PIP4K2A: variants seen among roughly 807,000 people sequenced by gnomAD.
The protein encoded by PIP4K2A is phosphatidylinositol 5-phosphate 4-kinase type-2 alpha.
PIP4K2A carries 14 observed loss-of-function variants against 42.9 expected under a neutral mutation model. That is an observed-to-expected ratio of 0.33 (90% CI 0.22 to 0.51). PIP4K2A has a LOEUF of 0.51. Ranked by LOEUF, PIP4K2A falls within the 20% of genes least tolerant of loss-of-function variation. PIP4K2A has a pLI of 0.97. For synonymous variants in PIP4K2A, 192 were observed against 192.2 expected (o/e 1.00, Z 0.01); for missense variants, 434 against 519.8 (o/e 0.83, Z 1.61).
intron 1 of PIP4K2A, among the ~76,000 whole-genome samples, chr10:22,701,141 C>A (rs1253576300): frequency 6.6e-6 from 1 of 152,228 alleles, no homozygotes; most frequent in African/African-American, 2.4e-5. Flanking sequence ...TAATCCTCTT[C>A]TGTCTCACAG....
Position 22,535,934 on chromosome 10 carries a change from T to G in PIP4K2A, c.*1267A>C. The G allele has an allele frequency of 2.5e-6, 1 of 393,008 alleles. No individual in the cohort carries two copies. Among genetic ancestry groups the G allele is most frequent in the East Asian group, 3.6e-5 (1 of 27,820 alleles). The allele number at this position is 393,008 out of a possible 1,614,324, so 24.3% of individuals were successfully genotyped here. A position where few individuals can be genotyped will look rare whatever the true frequency, so the allele number is the denominator to read the frequency against. ...TTTTATTGTGAAAGACTGTCTACCA[T>G]GTACTTTGACTAAAACACTCACGTA... On this transcript the variant is annotated 3_prime_UTR_variant, in exon 10 of 10. Coordinates refer to ENST00000376573, the MANE Select transcript of PIP4K2A (RefSeq NM_005028.5).
Position 22,536,966 on chromosome 10 carries a change from C to A in PIP4K2A, c.*235G>T, listed in dbSNP as rs201549385. The A allele has an allele frequency of 1.0e-4, 23 of 227,008 alleles. No individual in the cohort carries two copies. The highest frequency in any genetic ancestry group is 8.9e-4 in the African/African-American group (7 of 7,862). 14.1% of individuals were successfully genotyped at this position (227,008 alleles called of 1,614,324 possible). On this transcript the variant is annotated 3_prime_UTR_variant, in exon 10 of 10. Transcript: ENST00000376573. The stretch of plus-strand genomic sequence containing the variant: ...ACGCGCGCACACACTCACCCCCCCC[C>A]AACACACACACACACACATATACAC...
At chr10:22,615,627 T>G (rs1838161214) in intron 1 of PIP4K2A, among the ~76,000 whole-genome samples, 1 of 152,238 alleles carries the variant, frequency 6.6e-6, no homozygotes, top group Non-Finnish European at 1.5e-5. Flanking sequence ...TTGAGTTTAT[T>G]AAAATTTTCT....
intron 1 of PIP4K2A, chr10:22,693,900 T>C (rs569437448): frequency 2.0e-5 from 3 of 152,262 alleles, no homozygotes; most frequent in East Asian, 1.9e-4. Flanking sequence ...GAGAGCATGA[T>C]AAAAGAGGTG....
intron 1 of PIP4K2A, among the ~76,000 whole-genome samples, chr10:22,664,152 CACATATATATATATACATATATATAT>C (rs1839287903): frequency 4.8e-5 from 1 of 20,842 alleles, no homozygotes; most frequent in East Asian, 1.0e-3. Context: ...CATATATATA[CACATATATATATATACATATATATAT>C]ATACATATAT....
chr10:22,554,567 GCTAA>G (rs1328857880), intron 6 of PIP4K2A, among the ~76,000 whole-genome samples: 2 of 152,218 alleles, frequency 1.3e-5, no homozygotes, highest in Non-Finnish European at 2.9e-5. Context: ...AACCCCCAGG[GCTAA>G]CTAAAGACAG....
intron 1 of PIP4K2A, 27 bp from the exon 2 acceptor site, chr10:22,609,744 G>A (rs1837989188): frequency 7.5e-7 from 1 of 1,333,128 alleles, no homozygotes; most frequent in Non-Finnish European, 1.1e-6. Context: ...TAAATAGCAT[G>A]GGTTATTACT....
intron 1 of PIP4K2A, among the ~76,000 whole-genome samples, chr10:22,711,951 C>T (rs768414227): frequency 1.3e-5 from 2 of 152,076 alleles, no homozygotes; most frequent in African/African-American, 2.4e-5. Context: ...CTTATGTCAA[C>T]TCAGAGCCCT....
intron 6 of PIP4K2A, among the ~76,000 whole-genome samples, chr10:22,559,081 CAG>C (rs1327941887): frequency 6.6e-6 from 1 of 152,152 alleles, no homozygotes; most frequent in East Asian, 1.9e-4. Context: ...CCAGTCGTAA[CAG>C]AAGATTCTGG....
At chr10:22,589,875 A>G (rs1294750022) in intron 4 of PIP4K2A, among the ~76,000 whole-genome samples, 1 of 152,192 alleles carries the variant, frequency 6.6e-6, no homozygotes, top group Non-Finnish European at 1.5e-5. Context: ...ATTGGGAGCT[A>G]TTTAAGTTAA....
At chr10:22,591,082 GTCT>G (rs1837499411) in intron 4 of PIP4K2A, among the ~76,000 whole-genome samples, 2 of 152,206 alleles carry the variant, frequency 1.3e-5, no homozygotes. Flanking sequence ...CCCAAGGATG[GTCT>G]ACTTTACCTC....
At chr10:22,639,372 AAG>A in intron 1 of PIP4K2A, among the ~76,000 whole-genome samples, 1 of 151,830 alleles carries the variant, frequency 6.6e-6, no homozygotes. Context: ...AAAAAAAAAA[AAG>A]AATTAACATT....
chr10:22,666,254 A>T (rs993465167), intron 1 of PIP4K2A, among the ~76,000 whole-genome samples: 1 of 152,218 alleles, frequency 6.6e-6, no homozygotes, highest in East Asian at 1.9e-4. Context: ...TTCAAAATAA[A>T]TATCTGAGAA....
intron 4 of PIP4K2A, among the ~76,000 whole-genome samples, chr10:22,582,972 T>C (rs562026116): frequency 6.6e-6 from 1 of 151,926 alleles, no homozygotes; most frequent in African/African-American, 2.4e-5. Context: ...GAAACTTTAC[T>C]GCTTTTCTTA....
At chr10:22,578,572 T>C (rs929773510) in intron 4 of PIP4K2A, among the ~76,000 whole-genome samples, 3 of 152,178 alleles carry the variant, frequency 2.0e-5, no homozygotes, top group African/African-American at 4.8e-5. Flanking sequence ...TACATGCCCA[T>C]TGTCAGGGCC....
At chr10:22,651,649 C>T (rs1838999241) in intron 1 of PIP4K2A, among the ~76,000 whole-genome samples, 6 of 152,236 alleles carry the variant, frequency 3.9e-5, no homozygotes, top group Admixed American at 3.9e-4. Flanking sequence ...GTCTTTTAGC[C>T]TTATGCAGTT....
At chr10:22,566,804 C>T (rs921554404) in intron 6 of PIP4K2A, among the ~76,000 whole-genome samples, 3 of 152,216 alleles carry the variant, frequency 2.0e-5, no homozygotes, top group African/African-American at 7.2e-5. Flanking sequence ...CTGAGCCAGG[C>T]GCCCTTGCTA....
In PIP4K2A at chr10:22,662,661, G is replaced by A. The variant is rs547831417; in HGVS notation, c.144+51522C>T. 4.6e-5 allele frequency among the ~76,000 whole-genome samples: 7 copies of A among 152,144 alleles called. No homozygotes were observed. In the South Asian group the frequency reaches 6.2e-4, roughly 14 times the overall value. ...GTAATATAAAAGAAACTTTTAGCCC[G>A]ATGACTGCTTGAATGGTTGAAAAAA... On this transcript the variant is annotated intron_variant, in intron 1 of 9. Coordinates refer to ENST00000376573, the MANE Select transcript of PIP4K2A (RefSeq NM_005028.5).
intron 6 of PIP4K2A, among the ~76,000 whole-genome samples, chr10:22,563,498 G>C (rs538988961): frequency 1.3e-5 from 2 of 152,256 alleles, no homozygotes; most frequent in African/African-American, 2.4e-5. Flanking sequence ...TCAAGTTTTA[G>C]AATCAACTGT....
Sources: gnomAD v4.1 joint callset for allele counts (sites outside exome capture counted in the v4.1 genomes callset) on GRCh38, gnomAD v4.1.1 for gene constraint, MANE v1.5 for transcripts, NCBI Gene and HGNC (gene_info 2026-07-23, HGNC 2026-07-21) for gene names.